PCDH18: variants seen among roughly 807,000 people sequenced by gnomAD.
PCDH18 encodes protocadherin-18.
In PCDH18, 38 loss-of-function variants were observed where a neutral mutation model predicts 71.5. That is an observed-to-expected ratio of 0.53 (90% CI 0.41 to 0.70). PCDH18 has a LOEUF of 0.70. PCDH18 is among the 30% of genes least tolerant of loss of function. The pLI, the probability that PCDH18 is intolerant of heterozygous loss-of-function variation, is 0.00. For synonymous variants in PCDH18, 565 were observed against 505.4 expected (o/e 1.12, Z -1.58); for missense variants, 1,334 against 1,384.6 (o/e 0.96, Z 0.58).
In PCDH18 at chr4:137,531,362, T is replaced by A; in HGVS notation, c.727A>T (p.Ser243Cys). ...KISISDSNDNSPAFEQQSYII... is the reference protein window; with the variant it reads ...KISISDSNDNCPAFEQQSYII... ...TAAGATTGCTGCTCAAAAGCAGGGC[T>A]GTTGTCATTGGAGTCTGAAATGCTT... Residue 243 changes from serine to cysteine, a missense_variant, in exon 1 of 4, where the codon AGC (serine) becomes TGC (cysteine). By Grantham distance (112) the Ser-to-Cys change is moderately radical. Coordinates refer to ENST00000344876, the MANE Select transcript of PCDH18 (RefSeq NM_019035.5). The A allele has an allele frequency of 6.2e-7, 1 of 1,613,806 alleles. No homozygotes were observed. The highest frequency in any genetic ancestry group is 8.5e-7 in the Non-Finnish European group (1 of 1,179,932).
rs776487501 is a variant in PCDH18, at chr4:137,532,008, G to A, written c.81C>T (p.Gly27=). The A allele has an allele frequency of 1.2e-6, 2 of 1,613,756 alleles. No individual in the cohort carries two copies. Among genetic ancestry groups the A allele is most frequent in the Non-Finnish European group, 8.5e-7 (1 of 1,179,782 alleles). The change falls in exon 1 of 4, where the codon GGC becomes GGT. Residue 27 remains glycine (G), a synonymous_variant. Transcript: ENST00000344876. ...LIVSFNHDVL[G]KNLKYRIYEE... is the part of the protein sequence containing the mutation. ...CATAAATCCTGTATTTCAAATTCTTGCCCAGTACATCGTGGTTGAAAGATA... is the reference window on the plus strand; with the variant it reads ...CATAAATCCTGTATTTCAAATTCTTACCCAGTACATCGTGGTTGAAAGATA...
Position 137,529,982 on chromosome 4 carries a change from T to G in PCDH18, c.2107A>C (p.Ile703Leu). 1 of 1,613,860 alleles carries G rather than the reference T, an allele frequency of 6.2e-7. No homozygotes were observed. The highest frequency in any genetic ancestry group is 8.5e-7 in the Non-Finnish European group (1 of 1,179,804). The stretch of plus-strand genomic sequence containing the variant: ...GCACAAATTGCTCCTAAGGAAATAA[T>G]TATTATCATGGAGACATCCAAGGAT... ...QASLDVSMII[I>L]ISLGAICAVL... Residue 703 changes from isoleucine (I) to leucine (L), a missense_variant, in exon 1 of 4, where the codon ATT becomes CTT. Transcript: ENST00000344876.
Position 137,530,469 on chromosome 4 carries a change from C to G in PCDH18, c.1620G>C (p.Gln540His). The G allele has an allele frequency of 6.2e-7, 1 of 1,614,098 alleles. No individual in the cohort carries two copies. The highest frequency in any genetic ancestry group is 8.5e-7 in the Non-Finnish European group (1 of 1,179,996). The change falls in exon 1 of 4, where the codon CAG becomes CAC. Residue 540 changes from glutamine (Q) to histidine (H), a missense_variant. This residue lies in a region of PCDH18 where 1,011 missense variants were observed against 1,048.0 expected (regional missense o/e 0.96). Coordinates refer to ENST00000344876, the MANE Select transcript of PCDH18 (RefSeq NM_019035.5). Reference protein sequence around the residue: ...LRIFDHEEVSQITFVVEARDG... With the variant: ...LRIFDHEEVSHITFVVEARDG... The stretch of plus-strand genomic sequence containing the variant: ...CTCTTGCTTCTACCACAAAAGTGAT[C>G]TGACTCACTTCTTCATGATCAAAGA...
At chr4:137,529,498 T>G (rs529389704) in intron 1 of PCDH18, 104 bp downstream of exon 1, 2 of 736,798 alleles carry the variant, frequency 2.7e-6, no homozygotes, top group East Asian at 5.4e-5. Flanking sequence ...TTGCACAGTA[T>G]TAGTATTGTT....
At chr4:137,523,996 A>G (rs1314873079) in intron 3 of PCDH18, among the ~76,000 whole-genome samples, 1 of 152,132 alleles carries the variant, frequency 6.6e-6, no homozygotes, top group Non-Finnish European at 1.5e-5. Flanking sequence ...ATTTCTTGCA[A>G]CCTCATTGAT....
In PCDH18 at chr4:137,530,741, G is replaced by C; in HGVS notation, c.1348C>G (p.His450Asp). Residue 450 changes from histidine to aspartate, a missense_variant, in exon 1 of 4, where the codon CAT (histidine) becomes GAT (aspartate). Physicochemically the swap from His to Asp is moderately conservative, Grantham distance 81. Transcript: ENST00000344876. ...RGTPSLSTVK[H>D]FTVQINDIND... is the part of the protein sequence containing the mutation. Reference sequence around the variant, plus strand: ...ATATCATTGATTTGAACTGTAAAATGTTTCACTGTAGAGAGACTGGGTGTC... The same window carrying C: ...ATATCATTGATTTGAACTGTAAAATCTTTCACTGTAGAGAGACTGGGTGTC... 6.2e-7 allele frequency: 1 copy of C among 1,613,068 alleles called. No homozygotes were observed. The highest frequency in any genetic ancestry group is 8.5e-7 in the Non-Finnish European group (1 of 1,179,150).
Position 137,532,146 on chromosome 4 carries a change from C to T in PCDH18, c.-58G>A. The T allele has an allele frequency of 7.4e-7, 1 of 1,358,128 alleles. No individual in the cohort carries two copies. The highest frequency in any genetic ancestry group is 1.1e-6 in the Non-Finnish European group (1 of 947,966). The allele number at this position is 1,358,128 out of a possible 1,614,324, so 84.1% of individuals were successfully genotyped here. On this transcript the variant is annotated 5_prime_UTR_variant, in exon 1 of 4. Transcript: ENST00000344876. ...AGTTAAAACAGCAAAGCAATTGCCT[C>T]AACTTCCTTTGGCAACGTAAAGCTA...
intron 3 of PCDH18, among the ~76,000 whole-genome samples, chr4:137,525,255 AT>A (rs1230505357): frequency 2.0e-5 from 3 of 152,176 alleles, no homozygotes; most frequent in African/African-American, 7.2e-5. Context: ...AAAATGCAGG[AT>A]ATTTGTGTGG....
At position 137,521,430 on chromosome 4, in the gene PCDH18, A is replaced by G; in HGVS notation, c.3007T>C (p.Ser1003Pro). 1 of 1,614,178 alleles carries G rather than the reference A, an allele frequency of 6.2e-7. No homozygotes were observed. The highest frequency in any genetic ancestry group is 1.1e-5 in the South Asian group (1 of 91,072). ...ACACTGCTCATTTCCGAGAGCAGAG[A>G]TGATGTGCTGGTATCCCCAGTGTCC... Reference protein sequence around the residue: ...DEDTGDTSTSSLLSEMSSVFQ... With the variant: ...DEDTGDTSTSPLLSEMSSVFQ... Residue 1003 changes from serine (S) to proline (P), a missense_variant, in exon 4 of 4, where the codon TCT (serine) becomes CCT (proline). This residue lies in a region of PCDH18 where 319 missense variants were observed against 316.3 expected (regional missense o/e 1.01). Transcript: ENST00000344876.
intron 1 of PCDH18, chr4:137,529,260 T>C: frequency 3.8e-6 from 1 of 262,726 alleles, no homozygotes. Flanking sequence ...ATTTGTTCAG[T>C]AAAGACTATA....
In PCDH18 at chr4:137,519,840, C is replaced by G. The variant is rs938867304; in HGVS notation, c.*1189G>C. ...TAGTCATAATAAGCATCTCTCTCAC[C>G]AAGGCATTCCACACAGAGAGATCAC... On this transcript the variant is annotated 3_prime_UTR_variant, in exon 4 of 4. Coordinates refer to ENST00000344876, the MANE Select transcript of PCDH18 (RefSeq NM_019035.5). 3 of 152,444 alleles carry G rather than the reference C, an allele frequency of 2.0e-5. No homozygotes were observed. Among genetic ancestry groups the G allele is most frequent in the Non-Finnish European group, 4.4e-5 (3 of 68,014 alleles). The allele number at this position is 152,444 out of a possible 1,614,324, so 9.4% of individuals were successfully genotyped here.
chr4:137,532,243 T>TTTG lies in PCDH18; in HGVS notation c.-156_-155insCAA. ...GCAATTAACAGCTCGCAAACTTTTG[T>TTTG]TTTATACACACCGTGTCACGACTTC... On this transcript the variant is annotated 5_prime_UTR_variant, in exon 1 of 4. Transcript: ENST00000344876. The TTTG allele has an allele frequency of 1.4e-6, 1 of 725,776 alleles. No homozygotes were observed. Among genetic ancestry groups the TTTG allele is most frequent in the Non-Finnish European group, 2.5e-6 (1 of 401,374 alleles). The allele number at this position is 725,776 out of a possible 1,614,324, so 45.0% of individuals were successfully genotyped here. A position where few individuals can be genotyped will look rare whatever the true frequency, so the allele number is the denominator to read the frequency against.
Position 137,519,634 on chromosome 4 carries a change from C to G in PCDH18, c.*1395G>C, listed in dbSNP as rs189791322. 36 of 152,268 alleles carry G rather than the reference C, an allele frequency of 2.4e-4. No homozygotes were observed. Among genetic ancestry groups the G allele is most frequent in the African/African-American group, 7.7e-4 (32 of 41,542 alleles). 9.4% of individuals were successfully genotyped at this position (152,268 alleles called of 1,614,324 possible). The stretch of plus-strand genomic sequence containing the variant: ...CACTGAATCACCCGCTCAGGAAGGG[C>G]CTGCTGCATGCCAAGCTTTTGAACA... On this transcript the variant is annotated 3_prime_UTR_variant, in exon 4 of 4. Transcript: ENST00000344876.
At position 137,531,504 on chromosome 4, in the gene PCDH18, A is replaced by G. The variant is rs779731949; in HGVS notation, c.585T>C (p.Tyr195=). 35 of 1,613,880 alleles carry G rather than the reference A, an allele frequency of 2.2e-5. No individual in the cohort carries two copies. Among genetic ancestry groups the G allele is most frequent in the Middle Eastern group, 3.3e-4 (2 of 6,080 alleles). ...EVRTRTDGAK[Y]AELIVVRELD... ...ACTCTCTGACCACTATGAGTTCTGCATACTTGGCTCCATCAGTCCTGGTCC... is the reference window on the plus strand; with the variant it reads ...ACTCTCTGACCACTATGAGTTCTGCGTACTTGGCTCCATCAGTCCTGGTCC... The change falls in exon 1 of 4, where the codon TAT becomes TAC. Residue 195 remains tyrosine (Y), a synonymous_variant. Transcript: ENST00000344876.
chr4:137,521,702 C>A lies in PCDH18; in HGVS notation c.2741-6G>T. 1 of 1,585,302 alleles carries A rather than the reference C, an allele frequency of 6.3e-7. No homozygotes were observed. The highest frequency in any genetic ancestry group is 8.6e-7 in the Non-Finnish European group (1 of 1,165,784). ...CTCCGTGCAGAGTCTCATAGCTGCACTCAAGAAAAACAGTGGGGATTCATT... is the reference window on the plus strand; with the variant it reads ...CTCCGTGCAGAGTCTCATAGCTGCAATCAAGAAAAACAGTGGGGATTCATT... On this transcript the variant is annotated splice_polypyrimidine_tract_variant and splice_region_variant and intron_variant, in intron 3 of 3. Coordinates refer to ENST00000344876, the MANE Select transcript of PCDH18 (RefSeq NM_019035.5).
Position 137,530,280 on chromosome 4 carries a change from T to C in PCDH18, c.1809A>G (p.Ile603Met). The C allele has an allele frequency of 6.2e-7, 1 of 1,613,986 alleles. No individual in the cohort carries two copies. Residue 603 changes from isoleucine (I) to methionine (M), a missense_variant, in exon 1 of 4, where the codon ATA (isoleucine) becomes ATG (methionine). Physicochemically the swap from Ile to Met is conservative, Grantham distance 10 (BLOSUM62 1). Transcript: ENST00000344876. The part of the protein sequence containing the change: ...GAESGFHVTR[I>M]RAIDRDSGVN... ...CACCAGAGTCTCTGTCAATTGCCCTTATTCTTGTGACATGAAAGCCACTTT... is the reference window on the plus strand; with the variant it reads ...CACCAGAGTCTCTGTCAATTGCCCTCATTCTTGTGACATGAAAGCCACTTT...
rs537883434 is a variant in PCDH18, at chr4:137,531,277, G to C, written c.812C>G (p.Thr271Arg). The change falls in exon 1 of 4, where the codon ACG becomes AGG. Residue 271 changes from threonine (T) to arginine (R), a missense_variant. Physicochemically the swap from Thr to Arg is moderately conservative, Grantham distance 71. Around this residue, in one of 3 missense-constraint regions of PCDH18, gnomAD observed 1,011 missense variants for 1,048.0 expected, o/e 0.96. Coordinates refer to ENST00000344876, the MANE Select transcript of PCDH18 (RefSeq NM_019035.5). ...VGTLLLDLNATDPDEGANGKI... is the reference protein window; with the variant it reads ...VGTLLLDLNARDPDEGANGKI... ...CCCATTAGCGCCCTCATCTGGATCC[G>C]TGGCATTCAGATCTAAGAGCAAAGT... 1 of 1,613,714 alleles carries C rather than the reference G, an allele frequency of 6.2e-7. No homozygotes were observed.
At position 137,521,668 on chromosome 4, in the gene PCDH18, CCT is replaced by C; in HGVS notation, c.2767_2768del (p.Arg923GlyfsTer6). 5 of 1,609,336 alleles carry C rather than the reference CCT, an allele frequency of 3.1e-6. No individual in the cohort carries two copies. The highest frequency in any genetic ancestry group is 4.2e-6 in the Non-Finnish European group (5 of 1,179,430). On this transcript the variant is annotated frameshift_variant, in exon 4 of 4. Coordinates refer to ENST00000344876, the MANE Select transcript of PCDH18 (RefSeq NM_019035.5). LOFTEE classifies it high-confidence loss of function. The stretch of plus-strand genomic sequence containing the variant: ...AGCACTGGTCAGAGTGTCCCAGGAC[CCT>C]GCACTCCTCCGTGCAGAGTCTCATA... ...AAMRLCTEEC[R>X]VLGHSDQCWM...
rs573346896 is a variant in PCDH18, at chr4:137,532,255, C to A, written c.-167G>T. 2.8e-5 allele frequency: 20 copies of A among 711,078 alleles called. No individual in the cohort carries two copies. Among genetic ancestry groups the A allele is most frequent in the Non-Finnish European group, 4.9e-5 (19 of 391,004 alleles). The allele number at this position is 711,078 out of a possible 1,614,324, so 44.0% of individuals were successfully genotyped here. ...TCGCAAACTTTTGTTTTATACACAC[C>A]GTGTCACGACTTCCAGATACCTTCG... is the stretch of plus-strand genomic sequence containing the variant. On this transcript the variant is annotated 5_prime_UTR_variant, in exon 1 of 4. Transcript: ENST00000344876.
Sources: allele counts gnomAD v4.1 joint callset (sites outside exome capture counted in the v4.1 genomes callset), GRCh38; gene constraint gnomAD v4.1.1; regional missense constraint gnomAD v4.1.1; transcripts MANE v1.5; gene names NCBI Gene and HGNC (gene_info 2026-07-23, HGNC 2026-07-21).